The following UNC5D variants were observed in gnomAD, a reference collection of about 807,000 sequenced individuals.
UNC5D encodes the protein netrin receptor UNC5D.
Under a neutral mutation model 105.4 loss-of-function variants are expected in UNC5D, and 39 were observed. The observed-to-expected ratio is 0.37, with a 90% CI of 0.29 to 0.48. UNC5D has a LOEUF of 0.48. Among genes scored for constraint, UNC5D ranks in the 20% least tolerant of loss-of-function variants. UNC5D has a pLI of 0.98. For missense variants in UNC5D, 991 were observed against 1,202.4 expected (o/e 0.82, Z 2.60); for synonymous variants, 452 against 450.4 (o/e 1.00, Z -0.04).
At chr8:35,323,776 G>T (rs376215864) in intron 1 of UNC5D, among the ~76,000 whole-genome samples, 1 of 152,150 alleles carries the variant, frequency 6.6e-6, no homozygotes, top group Non-Finnish European at 1.5e-5. Flanking sequence ...CACCCAGGCA[G>T]CATTACTCCA....
chr8:35,723,147 A>G (rs1187672911), intron 9 of UNC5D, among the ~76,000 whole-genome samples: 1 of 152,178 alleles, frequency 6.6e-6, no homozygotes, highest in Admixed American at 6.5e-5. Context: ...CTCATCGTCA[A>G]TATCGTCACC....
At chr8:35,388,596 A>G (rs1449671593) in intron 1 of UNC5D, among the ~76,000 whole-genome samples, 2 of 152,228 alleles carry the variant, frequency 1.3e-5, no homozygotes, top group African/African-American at 2.4e-5. Context: ...ATCACGGGCA[A>G]GTACATAGTA....
intron 8 of UNC5D, among the ~76,000 whole-genome samples, chr8:35,718,205 T>C (rs1231120422): frequency 6.6e-6 from 1 of 151,452 alleles, no homozygotes; most frequent in African/African-American, 2.4e-5. Context: ...GAGAGGAAAA[T>C]AGGGATGAAG....
intron 4 of UNC5D, among the ~76,000 whole-genome samples, chr8:35,617,798 G>T (rs1586262478): frequency 6.6e-6 from 1 of 152,212 alleles, no homozygotes; most frequent in Non-Finnish European, 1.5e-5. Flanking sequence ...AGAATCCCCT[G>T]CTGTGGTGAA....
At chr8:35,620,566 C>A (rs1189685730) in intron 4 of UNC5D, among the ~76,000 whole-genome samples, 1 of 152,140 alleles carries the variant, frequency 6.6e-6, no homozygotes, top group Non-Finnish European at 1.5e-5. Flanking sequence ...ACCCTGTGTG[C>A]CTGTGTGCAG....
chr8:35,689,382 G>A (rs1464184713), intron 7 of UNC5D, among the ~76,000 whole-genome samples: 2 of 152,186 alleles, frequency 1.3e-5, no homozygotes, highest in Non-Finnish European at 2.9e-5. Context: ...GGCAAGCCTC[G>A]ATCCTAACTC....
intron 1 of UNC5D, among the ~76,000 whole-genome samples, chr8:35,358,320 A>G (rs928299462): frequency 2.0e-5 from 3 of 152,176 alleles, no homozygotes; most frequent in Admixed American, 2.0e-4. Flanking sequence ...TGCAGCCCTA[A>G]AAAGGAATGA....
chr8:35,502,725 A>ATT lies in UNC5D; in HGVS notation c.104-46555_104-46554dup, dbSNP rs34200119. ...AGGTGCACACCACCATGCCCGGCTAATTTTTTTTTTTTTGTATTTTTAGTA... is the reference window on the plus strand; with the variant it reads ...AGGTGCACACCACCATGCCCGGCTAATTTTTTTTTTTTTTTGTATTTTTAGTA... On this transcript the variant is annotated intron_variant, in intron 1 of 16. Coordinates refer to ENST00000404895, the MANE Select transcript of UNC5D (RefSeq NM_080872.4). Among the ~76,000 whole-genome samples, 124 of 145,018 alleles carry ATT rather than the reference A, an allele frequency of 8.6e-4. 1 individual carries two copies. The South Asian group carries it at 9.6e-3, about 11-fold the overall frequency.
intron 1 of UNC5D, among the ~76,000 whole-genome samples, chr8:35,272,078 G>T (rs1042382195): frequency 2.0e-5 from 3 of 152,022 alleles, no homozygotes; most frequent in Non-Finnish European, 4.4e-5. Context: ...CACAGCAGCT[G>T]TGGAATGGAA....
At chr8:35,724,364 C>G (rs1828744850) in intron 9 of UNC5D, 2 of 1,501,172 alleles carry the variant, frequency 1.3e-6, no homozygotes, top group Non-Finnish European at 8.9e-7. Flanking sequence ...TTCACCTCCA[C>G]TGTCTTAGAG....
intron 1 of UNC5D, among the ~76,000 whole-genome samples, chr8:35,246,460 A>G (rs761378321): frequency 5.9e-5 from 9 of 152,052 alleles, no homozygotes; most frequent in Admixed American, 5.2e-4. Flanking sequence ...TAATGCATAC[A>G]TGTATAACTA....
intron 2 of UNC5D, among the ~76,000 whole-genome samples, chr8:35,561,869 T>C (rs367623899): frequency 6.6e-5 from 10 of 152,206 alleles, no homozygotes; most frequent in Admixed American, 5.2e-4. Flanking sequence ...CAAACACTTA[T>C]GTTTATGCTG....
At chr8:35,767,311 G>A (rs1220910430) in intron 15 of UNC5D, among the ~76,000 whole-genome samples, 2 of 152,142 alleles carry the variant, frequency 1.3e-5, no homozygotes, top group Admixed American at 1.3e-4. Flanking sequence ...TCTGGGGAAG[G>A]AACTGGTACC....
At chr8:35,442,258 A>G (rs1004982038) in intron 1 of UNC5D, among the ~76,000 whole-genome samples, 1 of 151,886 alleles carries the variant, frequency 6.6e-6, no homozygotes, top group Non-Finnish European at 1.5e-5. Context: ...ATTCACAAGT[A>G]TATTTTGTAC....
intron 1 of UNC5D, among the ~76,000 whole-genome samples, chr8:35,546,190 G>A (rs1024177251): frequency 1.3e-5 from 2 of 152,070 alleles, no homozygotes; most frequent in Non-Finnish European, 2.9e-5. Flanking sequence ...AGTTGTGCCT[G>A]GCCTAAGATT....
rs549649944 is a variant in UNC5D at position 35,668,184 on chromosome 8, T to C, written c.571-15363T>C. Among the ~76,000 whole-genome samples the C allele has an allele frequency of 2.8e-3, 425 of 152,226 alleles. 3 individuals are homozygous for C. The highest frequency in any genetic ancestry group is 2.5e-3 in the Non-Finnish European group (167 of 67,976). ...GTAAGGATGAATGACTTTTCATAGG[T>C]AAGTTCTTCATTTGTATTTTTCCTC... is the stretch of plus-strand genomic sequence containing the variant. On this transcript the variant is annotated intron_variant, in intron 4 of 16. Transcript: ENST00000404895.
intron 11 of UNC5D, among the ~76,000 whole-genome samples, chr8:35,734,756 G>T (rs1302872580): frequency 6.6e-6 from 1 of 150,536 alleles, no homozygotes; most frequent in Non-Finnish European, 1.5e-5. Context: ...TTTGAGGGAG[G>T]GGAAATTTTA....
intron 1 of UNC5D, among the ~76,000 whole-genome samples, chr8:35,535,341 A>T (rs971904051): frequency 6.6e-6 from 1 of 151,942 alleles, no homozygotes; most frequent in African/African-American, 2.4e-5. Flanking sequence ...TGCTGACAGT[A>T]TGCATACCAG....
At position 35,793,119 on chromosome 8, in the gene UNC5D, T is replaced by G; in HGVS notation, c.*2556T>G. The G allele has an allele frequency of 2.2e-6, 1 of 454,294 alleles. No individual in the cohort carries two copies. The highest frequency in any genetic ancestry group is 1.6e-5 in the South Asian group (1 of 63,856). The allele number at this position is 454,294 out of a possible 1,614,324, so 28.1% of individuals were successfully genotyped here. A position where few individuals can be genotyped will look rare whatever the true frequency, so the allele number is the denominator to read the frequency against. ...AGCCTGTCTTGTTTCTTCTTTATGTTTCTTTTACTTATTGCTGCTAGGATC... is the reference window on the plus strand; with the variant it reads ...AGCCTGTCTTGTTTCTTCTTTATGTGTCTTTTACTTATTGCTGCTAGGATC... On this transcript the variant is annotated 3_prime_UTR_variant, in exon 17 of 17. Coordinates refer to ENST00000404895, the MANE Select transcript of UNC5D (RefSeq NM_080872.4).
Sources: allele counts gnomAD v4.1 joint callset (sites outside exome capture counted in the v4.1 genomes callset), GRCh38; gene constraint gnomAD v4.1.1; transcripts MANE v1.5; gene names NCBI Gene and HGNC (gene_info 2026-07-23, HGNC 2026-07-21).